CREB5: variants seen among roughly 807,000 people sequenced by gnomAD.
CREB5 encodes cyclic AMP-responsive element-binding protein 5.
In CREB5, 19 loss-of-function variants were observed where a neutral mutation model predicts 57.1. The ratio of observed to expected loss-of-function variants is 0.33; its 90% CI spans 0.23 to 0.49. CREB5 has a LOEUF of 0.49. CREB5 is among the 20% of genes least tolerant of loss of function. CREB5 has a pLI of 0.99. For missense variants in CREB5, 579 were observed against 671.6 expected, an observed-to-expected ratio of 0.86 and a Z score of 1.52; for synonymous variants, 238 against 238.3, an observed-to-expected ratio of 1.00 and a Z score of 0.01.
chr7:28,569,989 G>A (rs1465935470), intron 4 of CREB5, among the ~76,000 whole-genome samples: 1 of 152,302 alleles, frequency 6.6e-6, no homozygotes, highest in East Asian at 1.9e-4. Context: ...AAAGCAGGAT[G>A]CAGAGTGACT....
At chr7:28,604,418 C>A (rs988239329) in intron 5 of CREB5, among the ~76,000 whole-genome samples, 2 of 152,052 alleles carry the variant, frequency 1.3e-5, no homozygotes, top group Non-Finnish European at 2.9e-5. Context: ...GCAACACTGC[C>A]TACTAAATAG....
At chr7:28,664,685 G>A (rs772973005) in intron 5 of CREB5, among the ~76,000 whole-genome samples, 12 of 152,190 alleles carry the variant, frequency 7.9e-5, no homozygotes, top group East Asian at 1.9e-4. Flanking sequence ...TCAGCATGCC[G>A]TCTGTTTTTT....
chr7:28,572,166 C>A (rs146412280), intron 5 of CREB5, among the ~76,000 whole-genome samples: 1 of 152,266 alleles, frequency 6.6e-6, no homozygotes, highest in East Asian at 1.9e-4. Flanking sequence ...TTAAGACCCA[C>A]CTTAAGAAAT....
Position 28,655,253 on chromosome 7 carries a change from G to A in CREB5, c.465-63500G>A, listed in dbSNP as rs117062818. On this transcript the variant is annotated intron_variant, in intron 5 of 10. Transcript: ENST00000357727. ...TTAGCTCGAATGGTGGCATGTAGGTGTTTGTTGTATTACTCTTTAAACGTT... is the reference window on the plus strand; with the variant it reads ...TTAGCTCGAATGGTGGCATGTAGGTATTTGTTGTATTACTCTTTAAACGTT... 2.0e-5 allele frequency among the ~76,000 whole-genome samples: 3 copies of A among 152,266 alleles called. No homozygotes were observed. In the East Asian group the frequency reaches 5.8e-4, roughly 29 times the overall value.
intron 5 of CREB5, among the ~76,000 whole-genome samples, chr7:28,644,701 A>C (rs1798824200): frequency 6.7e-6 from 1 of 148,724 alleles, no homozygotes. Context: ...ACAAATAAAA[A>C]CCAGAAAGGT....
Position 28,355,387 on chromosome 7 carries a change from C to T in CREB5, c.-25+55946C>T, listed in dbSNP as rs911739607. Among the ~76,000 whole-genome samples the T allele has an allele frequency of 3.3e-5, 5 of 151,938 alleles. 1 individual carries two copies. Among genetic ancestry groups the T allele is most frequent in the Admixed American group, 2.6e-4 (4 of 15,250 alleles). ...GGCCTGTGATTTCATCTGAGACACCCGCAGTCATAGTAGAGAGAATCATGA... is the reference window on the plus strand; with the variant it reads ...GGCCTGTGATTTCATCTGAGACACCTGCAGTCATAGTAGAGAGAATCATGA... On this transcript the variant is annotated intron_variant, in intron 1 of 9. Transcript: ENST00000396299.
intron 1 of CREB5, among the ~76,000 whole-genome samples, chr7:28,332,087 G>A (rs1447522741): frequency 1.3e-5 from 2 of 152,106 alleles, no homozygotes; most frequent in Non-Finnish European, 2.9e-5. Flanking sequence ...TTAAAGAAAG[G>A]CAAAGGGTAT....
chr7:28,697,217 T>A (rs564933524), intron 5 of CREB5, among the ~76,000 whole-genome samples: 1 of 152,274 alleles, frequency 6.6e-6, no homozygotes, highest in African/African-American at 2.4e-5. Flanking sequence ...CACCAATTTC[T>A]CATGAATTGG....
chr7:28,589,328 G>T (rs559694580), intron 5 of CREB5, among the ~76,000 whole-genome samples: 1 of 152,232 alleles, frequency 6.6e-6, no homozygotes, highest in East Asian at 1.9e-4. Context: ...ACCGAGGTGG[G>T]TGGATCACAA....
chr7:28,400,638 C>A (rs1787441933), intron 1 of CREB5, among the ~76,000 whole-genome samples: 1 of 152,124 alleles, frequency 6.6e-6, no homozygotes, highest in Non-Finnish European at 1.5e-5. Context: ...GGGTAATATT[C>A]AAGATTCAAA....
At chr7:28,388,983 C>A (rs1453381548) in intron 1 of CREB5, among the ~76,000 whole-genome samples, 1 of 152,302 alleles carries the variant, frequency 6.6e-6, no homozygotes, top group South Asian at 2.1e-4. Context: ...GTAACTATTT[C>A]TTCAAGCACA....
chr7:28,738,130 C>G (rs1804134547), intron 7 of CREB5, among the ~76,000 whole-genome samples: 1 of 152,096 alleles, frequency 6.6e-6, no homozygotes, highest in Non-Finnish European at 1.5e-5. Context: ...ATTCCACCAC[C>G]TAAAATAGAT....
At chr7:28,775,932 ATC>A (rs1412035147) in intron 7 of CREB5, among the ~76,000 whole-genome samples, 2 of 152,164 alleles carry the variant, frequency 1.3e-5, no homozygotes, top group Non-Finnish European at 2.9e-5. Flanking sequence ...AGAAAATATT[ATC>A]ACCTTTTTAC....
chr7:28,516,669 G>C (rs1013463000), intron 4 of CREB5, among the ~76,000 whole-genome samples: 1 of 152,092 alleles, frequency 6.6e-6, no homozygotes, highest in South Asian at 2.1e-4. Context: ...AGGAAGCTCC[G>C]CCTTAAGGTC....
intron 5 of CREB5, among the ~76,000 whole-genome samples, chr7:28,588,782 T>C (rs1341937850): frequency 1.3e-5 from 2 of 152,190 alleles, no homozygotes; most frequent in Non-Finnish European, 2.9e-5. Flanking sequence ...TTGCCCCTGC[T>C]GTATTTTCTT....
chr7:28,385,612 G>A (rs755102909), intron 1 of CREB5, among the ~76,000 whole-genome samples: 1 of 151,768 alleles, frequency 6.6e-6, no homozygotes, highest in Non-Finnish European at 1.5e-5. Flanking sequence ...GGGAGGTGGA[G>A]GCTGCAGTGA....
intron 1 of CREB5, among the ~76,000 whole-genome samples, chr7:28,401,242 A>G (rs548662681): frequency 6.6e-6 from 1 of 152,236 alleles, no homozygotes; most frequent in South Asian, 2.1e-4. Flanking sequence ...TTTGATTTTC[A>G]GCCAGGTTCA....
chr7:28,536,524 G>T (rs766248049), intron 4 of CREB5, among the ~76,000 whole-genome samples: 1 of 152,164 alleles, frequency 6.6e-6, no homozygotes, highest in Non-Finnish European at 1.5e-5. Flanking sequence ...TTAGGGTTTG[G>T]CAGCTTCACG....
intron 1 of CREB5, among the ~76,000 whole-genome samples, chr7:28,394,006 GGCTGC>G (rs2127998337): frequency 7.1e-6 from 1 of 140,838 alleles, no homozygotes; most frequent in East Asian, 2.2e-4. Flanking sequence ...ACCTGGTCAA[GGCTGC>G]AGTGAGCTGA....
Sources: gnomAD v4.1 joint callset for allele counts (sites outside exome capture counted in the v4.1 genomes callset) on GRCh38, gnomAD v4.1.1 for gene constraint, MANE v1.5 for transcripts, NCBI Gene and HGNC (gene_info 2026-07-23, HGNC 2026-07-21) for gene names.